The following CAPS2 variants were observed in gnomAD, a reference collection of about 807,000 sequenced individuals.
The protein encoded by CAPS2 is calcyphosine 2.
Under a neutral mutation model 86.5 loss-of-function variants are expected in CAPS2, and 98 were observed. The ratio of observed to expected loss-of-function variants is 1.13; its 90% CI spans 0.96 to 1.34. The LOEUF is 1.34. Among genes scored for constraint, CAPS2 ranks in the 40% most tolerant of loss-of-function variants. The pLI, the probability that CAPS2 is intolerant of heterozygous loss-of-function variation, is 0.00. For missense variants in CAPS2, 729 were observed against 686.8 expected (o/e 1.06, Z -0.69); for synonymous variants, 210 against 225.1 (o/e 0.93, Z 0.60).
chr12:75,353,150 T>C (rs1421389555), intron 1 of CAPS2, among the ~76,000 whole-genome samples: 2 of 150,182 alleles, frequency 1.3e-5, no homozygotes, highest in African/African-American at 2.4e-5. Flanking sequence ...AAGATCAGAG[T>C]GAAACTAAAG....
intron 1 of CAPS2, among the ~76,000 whole-genome samples, chr12:75,377,033 C>T (rs972779873): frequency 9.9e-5 from 15 of 152,116 alleles, no homozygotes; most frequent in South Asian, 4.1e-4. Context: ...GAAGGTATTA[C>T]GTATACAGTC....
chr12:75,316,516 C>A, intron 5 of CAPS2, 82 bp from the exon 6 acceptor site: 1 of 1,214,480 alleles, frequency 8.2e-7, no homozygotes. Flanking sequence ...TAGATAACTA[C>A]GGAATATCTC....
upstream of CAPS2, among the ~76,000 whole-genome samples, chr12:75,328,638 G>A (rs369060266): frequency 2.0e-5 from 3 of 152,100 alleles, no homozygotes; most frequent in Non-Finnish European, 2.9e-5. Flanking sequence ...TCCTTTCTCT[G>A]CATCTAACTG....
chr12:75,381,035 C>T (rs1170252569), intron 1 of CAPS2, among the ~76,000 whole-genome samples: 1 of 152,062 alleles, frequency 6.6e-6, no homozygotes, highest in Non-Finnish European at 1.5e-5. Flanking sequence ...CTTTTAGAGA[C>T]TGATATGGTC....
intron 13 of CAPS2, among the ~76,000 whole-genome samples, chr12:75,290,944 A>C (rs558753898): frequency 4.6e-5 from 7 of 151,802 alleles, no homozygotes; most frequent in East Asian, 1.9e-4. Flanking sequence ...ACAAAAAAAA[A>C]ACATAAATTA....
chr12:75,287,071 CACACACACAA>C (rs1565775904), intron 14 of CAPS2, among the ~76,000 whole-genome samples: 1 of 150,782 alleles, frequency 6.6e-6, no homozygotes. Context: ...CACGCAAGCA[CACACACACAA>C]ACACACACAT....
chr12:75,289,577 G>A (rs375986205), intron 14 of CAPS2, 44 bp downstream of exon 14: 5 of 1,539,686 alleles, frequency 3.2e-6, no homozygotes, highest in Non-Finnish European at 4.4e-6. Flanking sequence ...TGCCACCTAA[G>A]AATAACATAT....
At chr12:75,290,882 C>CTA (rs1003333621) in intron 13 of CAPS2, among the ~76,000 whole-genome samples, 1 of 150,626 alleles carries the variant, frequency 6.6e-6, no homozygotes, top group African/African-American at 2.4e-5. Flanking sequence ...TGTGATTGTA[C>CTA]TATTGCACTC....
intron 1 of CAPS2, chr12:75,370,271 T>A (rs1040712214): frequency 4.5e-6 from 3 of 665,684 alleles, no homozygotes; most frequent in Middle Eastern, 3.2e-4. Flanking sequence ...CTTTACTGAA[T>A]CTTCTACACT....
chr12:75,334,865 G>GCAAA (rs1593627582), upstream of CAPS2: 3 of 1,614,082 alleles, frequency 1.9e-6, no homozygotes. Context: ...GAATGGCGTG[G>GCAAA]CAAAGTCAAC....
At chr12:75,334,467 A>T, upstream of CAPS2, 2 of 1,290,754 alleles carry the variant, frequency 1.5e-6, no homozygotes, top group East Asian at 6.2e-5. Context: ...CACAGAAAGC[A>T]GTTTGGATGG....
chr12:75,328,053 T>C (rs962322828), upstream of CAPS2, among the ~76,000 whole-genome samples: 3 of 151,764 alleles, frequency 2.0e-5, no homozygotes, highest in Non-Finnish European at 2.9e-5. Flanking sequence ...AAACATATTC[T>C]GAAAAAAAAA....
chr12:75,359,422 TA>T (rs1374251225), intron 1 of CAPS2, among the ~76,000 whole-genome samples: 1 of 133,004 alleles, frequency 7.5e-6, no homozygotes, highest in Non-Finnish European at 1.6e-5. Flanking sequence ...ACAATCCCAG[TA>T]AAAATTCCAC....
chr12:75,279,443 T>C (rs1378071218), intron 16 of CAPS2, among the ~76,000 whole-genome samples: 1 of 151,986 alleles, frequency 6.6e-6, no homozygotes, highest in African/African-American at 2.4e-5. Context: ...GTCAAAAATT[T>C]CTATGTGACC....
intron 5 of CAPS2, among the ~76,000 whole-genome samples, chr12:75,318,909 T>C (rs1186325439): frequency 1.3e-5 from 2 of 152,118 alleles, no homozygotes; most frequent in Non-Finnish European, 1.5e-5. Flanking sequence ...AACTATGTGT[T>C]GAAAGAATAA....
intron 1 of CAPS2, among the ~76,000 whole-genome samples, chr12:75,382,619 G>A (rs1173404861): frequency 2.7e-5 from 4 of 148,878 alleles, no homozygotes; most frequent in African/African-American, 4.9e-5. Flanking sequence ...CAGCCTGGGC[G>A]ACAGAGTGAG....
intron 1 of CAPS2, among the ~76,000 whole-genome samples, chr12:75,344,339 A>G (rs2042311898): frequency 6.6e-6 from 1 of 152,026 alleles, no homozygotes; most frequent in African/African-American, 2.4e-5. Flanking sequence ...TCTCTCTGTG[A>G]TTAATTTCAA....
At chr12:75,335,545 G>T (rs1205136748) in intron 1 of CAPS2, among the ~76,000 whole-genome samples, 2 of 152,112 alleles carry the variant, frequency 1.3e-5, no homozygotes, top group Non-Finnish European at 2.9e-5. Context: ...GATAGTATTA[G>T]TCTATTTTAT....
At chr12:75,300,276 G>T (rs4882683) in intron 8 of CAPS2, among the ~76,000 whole-genome samples, 27,191 of 151,898 alleles carry the variant, frequency 0.18, 2,824 homozygotes, top group South Asian at 0.38. Flanking sequence ...GCTCTTAGCG[G>T]CCGGGCGCGG....
Sources: allele counts gnomAD v4.1 joint callset (sites outside exome capture counted in the v4.1 genomes callset), GRCh38; gene constraint gnomAD v4.1.1; transcripts MANE v1.5; gene names NCBI Gene and HGNC (gene_info 2026-07-23, HGNC 2026-07-21).